The following LINGO2 variants were observed in gnomAD, a reference collection of about 807,000 sequenced individuals.
LINGO2 encodes the protein leucine-rich repeat and immunoglobulin-like domain-containing nogo receptor-interacting protein 2.
LINGO2 carries 14 observed loss-of-function variants against 30.6 expected under a neutral mutation model. The observed-to-expected ratio is 0.46, with a 90% confidence interval of 0.30 to 0.72. The LOEUF is 0.72. Among genes scored for constraint, LINGO2 ranks in the 30% least tolerant of loss-of-function variants. The pLI is 0.07. For synonymous variants in LINGO2, 317 were observed against 288.5 expected (o/e 1.10, Z -1.00); for missense variants, 729 against 751.7 (o/e 0.97, Z 0.35).
intron 1 of LINGO2, among the ~76,000 whole-genome samples, chr9:28,544,779 T>C (rs1034344209): frequency 1.3e-5 from 2 of 149,486 alleles, no homozygotes; most frequent in African/African-American, 4.9e-5. Context: ...TTATATACTC[T>C]ACTATATTCT....
intron 4 of LINGO2, among the ~76,000 whole-genome samples, chr9:28,247,612 T>C (rs1454889205): frequency 6.6e-6 from 1 of 151,928 alleles, no homozygotes; most frequent in African/African-American, 2.4e-5. Flanking sequence ...AGGGACAAAG[T>C]GGGGGAGAGC....
chr9:28,161,857 A>G (rs1257510616), intron 4 of LINGO2, among the ~76,000 whole-genome samples: 1 of 152,144 alleles, frequency 6.6e-6, no homozygotes, highest in Non-Finnish European at 1.5e-5. Context: ...AATTAATTTA[A>G]TAATGCTAGT....
intron 4 of LINGO2, among the ~76,000 whole-genome samples, chr9:28,012,575 C>T (rs1209212310): frequency 1.3e-5 from 2 of 151,970 alleles, no homozygotes; most frequent in African/African-American, 2.4e-5. Context: ...TTTGTTCCTC[C>T]AACAATCCAT....
At chr9:28,193,344 G>A (rs1242769989) in intron 4 of LINGO2, among the ~76,000 whole-genome samples, 2 of 151,830 alleles carry the variant, frequency 1.3e-5, no homozygotes, top group Non-Finnish European at 2.9e-5. Context: ...ATATCTTGCT[G>A]GTGGCTTTAT....
chr9:28,408,911 TG>T (rs1348184792), intron 2 of LINGO2, among the ~76,000 whole-genome samples: 2 of 152,086 alleles, frequency 1.3e-5, no homozygotes, highest in Admixed American at 6.6e-5. Flanking sequence ...GGCCCCACAG[TG>T]GTTTATGAAC....
At chr9:29,143,654 C>T in the LINGO2 span, among the ~76,000 whole-genome samples, 1 of 151,952 alleles carries the variant, frequency 6.6e-6, no homozygotes, top group African/African-American at 2.4e-5. Context: ...AAAAAATCAA[C>T]TCAAAATGGA....
At chr9:28,268,597 C>A (rs1392886334) in intron 4 of LINGO2, among the ~76,000 whole-genome samples, 3 of 152,008 alleles carry the variant, frequency 2.0e-5, no homozygotes, top group Non-Finnish European at 1.5e-5. Context: ...GATAATTTTT[C>A]CTGTATGTTT....
At chr9:29,202,865 C>T in the LINGO2 span, among the ~76,000 whole-genome samples, 1 of 152,016 alleles carries the variant, frequency 6.6e-6, no homozygotes, top group Non-Finnish European at 1.5e-5. Context: ...TCATCAAATC[C>T]ACTTCTTTTT....
chr9:28,135,684 C>G (rs1452267275), intron 4 of LINGO2, among the ~76,000 whole-genome samples: 7 of 152,150 alleles, frequency 4.6e-5, no homozygotes, highest in African/African-American at 1.7e-4. Flanking sequence ...CTCACTCAGC[C>G]ACGTTAATCT....
At chr9:28,908,446 AAAAC>A in the LINGO2 span, among the ~76,000 whole-genome samples, 1 of 151,914 alleles carries the variant, frequency 6.6e-6, no homozygotes, top group African/African-American at 2.4e-5. Context: ...GATGCTGGAG[AAAAC>A]AAACAACAAT....
chr9:29,134,553 G>T, the LINGO2 span, among the ~76,000 whole-genome samples: 1 of 152,026 alleles, frequency 6.6e-6, no homozygotes, highest in African/African-American at 2.4e-5. Flanking sequence ...AGGAGAGATG[G>T]ATGAGTGGAT....
chr9:28,374,884 A>T (rs1170676606), intron 2 of LINGO2, among the ~76,000 whole-genome samples: 3 of 152,190 alleles, frequency 2.0e-5, no homozygotes, highest in Non-Finnish European at 4.4e-5. Flanking sequence ...GTAAGATTGA[A>T]AAGAAACTCA....
In LINGO2 at chr9:28,294,073, A is replaced by T. The variant is rs562774416; in HGVS notation, c.-87+1135T>A. ...ATCTACACTATTTCAAAAAATTTTT[A>T]AATTTGTAGATATTTGGGTTTTATA... is the stretch of plus-strand genomic sequence containing the variant. On this transcript the variant is annotated intron_variant, in intron 4 of 5. Transcript: ENST00000379992. Among the ~76,000 whole-genome samples, 3 of 152,330 alleles carry T rather than the reference A, an allele frequency of 2.0e-5. No homozygotes were observed. The East Asian group carries it at 5.8e-4, about 29-fold the overall frequency.
At chr9:28,355,561 A>G (rs1820167024) in intron 3 of LINGO2, among the ~76,000 whole-genome samples, 1 of 152,094 alleles carries the variant, frequency 6.6e-6, no homozygotes, top group African/African-American at 2.4e-5. Flanking sequence ...TTTCTCAAGG[A>G]GAACAAGTGA....
chr9:28,354,399 A>C (rs1393237167), intron 3 of LINGO2, among the ~76,000 whole-genome samples: 2 of 152,186 alleles, frequency 1.3e-5, no homozygotes, highest in Admixed American at 1.3e-4. Context: ...AACTTCACAA[A>C]ATCCTACCAA....
intron 3 of LINGO2, among the ~76,000 whole-genome samples, chr9:28,340,880 G>A (rs1412213149): frequency 1.3e-5 from 2 of 152,062 alleles, no homozygotes; most frequent in African/African-American, 2.4e-5. Context: ...TTTAGTAACG[G>A]AATCATTCCT....
At chr9:28,057,881 T>C (rs1825009658) in intron 4 of LINGO2, among the ~76,000 whole-genome samples, 1 of 152,086 alleles carries the variant, frequency 6.6e-6, no homozygotes, top group South Asian at 2.1e-4. Flanking sequence ...TCAAGCGTTG[T>C]CACCTTCTGT....
Position 28,148,930 on chromosome 9 carries a change from C to G in LINGO2, c.-86-136525G>C. 1 of 1,533,938 alleles carries G rather than the reference C, an allele frequency of 6.5e-7. No homozygotes were observed. Among genetic ancestry groups the G allele is most frequent in the Non-Finnish European group, 8.7e-7 (1 of 1,146,642 alleles). ...TTGGGTCAAGTAGGTCTTCTCCACA[C>G]AGAGCTGCCGGCCACAGTTCCCACA... is the stretch of plus-strand genomic sequence containing the variant. On this transcript the variant is annotated intron_variant, in intron 4 of 5. Coordinates refer to ENST00000379992, the Ensembl canonical transcript of LINGO2. The surrounding 1 kb of genome is among the most constrained non-coding windows in gnomAD (Gnocchi z 5.1).
chr9:28,880,734 T>G, the LINGO2 span, among the ~76,000 whole-genome samples: 1 of 152,162 alleles, frequency 6.6e-6, no homozygotes, highest in Non-Finnish European at 1.5e-5. Flanking sequence ...CCCTGGGAAC[T>G]GAATGTCTTG....
Sources: allele counts gnomAD v4.1 joint callset (sites outside exome capture counted in the v4.1 genomes callset), GRCh38; gene constraint gnomAD v4.1.1; non-coding constraint Gnocchi (gnomAD v3.1); transcripts MANE v1.5; gene names NCBI Gene and HGNC (gene_info 2026-07-23, HGNC 2026-07-21).